SARNP: variants seen among roughly 807,000 people sequenced by gnomAD.
SARNP encodes SAP domain containing ribonucleoprotein, also known as SAP domain-containing ribonucleoprotein.
Under a neutral mutation model 38.1 loss-of-function variants are expected in SARNP, and 5 were observed. That is an observed-to-expected ratio of 0.13 (90% CI 0.07 to 0.28). The LOEUF is 0.28. SARNP is among the 10% of genes least tolerant of loss of function. The pLI is 1.00. For missense variants in SARNP, 180 were observed against 243.9 expected (o/e 0.74, Z 1.75); for synonymous variants, 84 against 80.6 (o/e 1.04, Z -0.23).
At chr12:55,785,100 T>C (rs986678962) in intron 9 of SARNP, among the ~76,000 whole-genome samples, 2 of 152,236 alleles carry the variant, frequency 1.3e-5, no homozygotes, top group African/African-American at 4.8e-5. Context: ...TAATTGTATT[T>C]TATAGAAGTA....
In SARNP at chr12:55,796,005, C is replaced by CATCCCTACTGAGG; in HGVS notation, c.303+19_303+20insCCTCAGTAGGGAT. The CATCCCTACTGAGG allele has an allele frequency of 1.3e-6, 2 of 1,554,444 alleles. No individual in the cohort carries two copies. On this transcript the variant is annotated intron_variant, in intron 5 of 10. Transcript: ENST00000336133. ...AGAGAGAAATGTAGAGACTGTTCTA[C>CATCCCTACTGAGG]TAGGGAGCAGAATACCTACCTCAGT...
At position 55,813,772 on chromosome 12, in the gene SARNP, G is replaced by A. The variant is rs912088713; in HGVS notation, c.36+3894C>T. On this transcript the variant is annotated intron_variant, in intron 1 of 10. Transcript: ENST00000336133. The stretch of plus-strand genomic sequence containing the variant: ...TTGGTCAGGCTGGTCTCGAACTCTC[G>A]ACCTCAGGTGATCCGCCTGCCTCGG... 3.8e-4 allele frequency among the ~76,000 whole-genome samples: 58 copies of A among 152,134 alleles called. 1 individual carries two copies. The highest frequency in any genetic ancestry group is 1.3e-3 in the African/African-American group (55 of 41,490).
At chr12:55,766,258 A>C (rs1377504854) in intron 9 of SARNP, among the ~76,000 whole-genome samples, 4 of 152,148 alleles carry the variant, frequency 2.6e-5, no homozygotes, top group Non-Finnish European at 5.9e-5. Context: ...GTGAGAAGAG[A>C]AGTGCTTGAA....
chr12:55,775,827 G>A (rs11613401), intron 9 of SARNP, among the ~76,000 whole-genome samples: 1 of 152,036 alleles, frequency 6.6e-6, no homozygotes, highest in Non-Finnish European at 1.5e-5. Flanking sequence ...GAGTATATAA[G>A]AAAATGAACT....
intron 9 of SARNP, among the ~76,000 whole-genome samples, chr12:55,788,601 A>T (rs2136193775): frequency 6.6e-6 from 1 of 152,286 alleles, no homozygotes; most frequent in South Asian, 2.1e-4. Flanking sequence ...GTTTGAGACC[A>T]GCTTGGGTAA....
intron 9 of SARNP, among the ~76,000 whole-genome samples, chr12:55,768,120 T>A (rs1003668320): frequency 1.3e-5 from 2 of 151,866 alleles, no homozygotes; most frequent in African/African-American, 4.8e-5. Context: ...TCCCTCTCTC[T>A]CTCTCTTATT....
At chr12:55,781,870 T>G (rs1235994784) in intron 9 of SARNP, among the ~76,000 whole-genome samples, 1 of 152,146 alleles carries the variant, frequency 6.6e-6, no homozygotes, top group African/African-American at 2.4e-5. Flanking sequence ...CGGCACTCAC[T>G]ACCATGCCTG....
rs201379130 is a variant in SARNP, at chr12:55,773,709, TTTC to T, written c.502-13072_502-13070del. On this transcript the variant is annotated intron_variant, in intron 9 of 10. Transcript: ENST00000336133. ...AAAGTGGGGGAAAAGGAAAATGGGATTTCTTCTTCTTCTTTTTTGAGACAGAGT... is the reference window on the plus strand; with the variant it reads ...AAAGTGGGGGAAAAGGAAAATGGGATTTCTTCTTCTTTTTTGAGACAGAGT... 2.2e-3 allele frequency among the ~76,000 whole-genome samples: 337 copies of T among 152,158 alleles called. 3 individuals are homozygous for T. Among genetic ancestry groups the T allele is most frequent in the South Asian group, 5.0e-3 (24 of 4,820 alleles).
At chr12:55,798,696 A>G (rs899800363) in intron 4 of SARNP, among the ~76,000 whole-genome samples, 1 of 152,240 alleles carries the variant, frequency 6.6e-6, no homozygotes, top group Non-Finnish European at 1.5e-5. Flanking sequence ...GACTGGTGAA[A>G]TAAATTACTG....
intron 4 of SARNP, among the ~76,000 whole-genome samples, chr12:55,796,687 G>A (rs1879830231): frequency 6.6e-6 from 1 of 152,106 alleles, no homozygotes; most frequent in Non-Finnish European, 1.5e-5. Flanking sequence ...ACAGGCATCA[G>A]CCACCGAGCC....
intron 1 of SARNP, among the ~76,000 whole-genome samples, chr12:55,809,705 T>G (rs1880267794): frequency 6.7e-6 from 1 of 150,156 alleles, no homozygotes; most frequent in African/African-American, 2.4e-5. Context: ...ATCACACCAC[T>G]GCACTCCAGC....
chr12:55,767,719 C>T lies in SARNP; in HGVS notation c.502-7079G>A, dbSNP rs948333538. On this transcript the variant is annotated intron_variant, in intron 9 of 10. Transcript: ENST00000336133. Reference sequence around the variant, plus strand: ...AAAATTAGCCAGGCATGGTGGCGGGCGCCTGTAGTCCCAGCTACTCGGGAG... The same window carrying T: ...AAAATTAGCCAGGCATGGTGGCGGGTGCCTGTAGTCCCAGCTACTCGGGAG... Among the ~76,000 whole-genome samples, 49 of 151,042 alleles carry T rather than the reference C, an allele frequency of 3.2e-4. 1 individual carries two copies. Among genetic ancestry groups the T allele is most frequent in the African/African-American group, 1.0e-3 (42 of 41,140 alleles).
At chr12:55,753,091 G>A (rs1290033891), downstream of SARNP, 2 of 152,192 alleles carry the variant, frequency 1.3e-5, no homozygotes, top group African/African-American at 4.8e-5. Context: ...GGGGTACCTA[G>A]AACAACCCCT....
intron 2 of SARNP, 88 bp downstream of exon 2, chr12:55,803,541 T>A: frequency 5.3e-6 from 4 of 759,042 alleles, no homozygotes; most frequent in Non-Finnish European, 8.6e-6. Context: ...ACATTGCTAA[T>A]GACCTGAAAA....
intron 9 of SARNP, among the ~76,000 whole-genome samples, chr12:55,786,252 A>G (rs1414101356): frequency 6.6e-6 from 1 of 152,206 alleles, no homozygotes; most frequent in African/African-American, 2.4e-5. Context: ...AGTAAGAGAT[A>G]TGGTGTTCAA....
At chr12:55,784,069 G>A (rs997137945) in intron 9 of SARNP, among the ~76,000 whole-genome samples, 9 of 152,122 alleles carry the variant, frequency 5.9e-5, no homozygotes, top group Admixed American at 5.9e-4. Context: ...ACGCAGGGTC[G>A]TAAGTTGGAT....
intron 4 of SARNP, among the ~76,000 whole-genome samples, chr12:55,798,783 T>C (rs556618654): frequency 1.4e-4 from 22 of 152,326 alleles, no homozygotes; most frequent in Admixed American, 5.9e-4. Context: ...ATCTGGGTGA[T>C]AGGTAGATGA....
At chr12:55,794,178 T>C in intron 7 of SARNP, 181 bp downstream of exon 7, 1 of 606,434 alleles carries the variant, frequency 1.6e-6, no homozygotes, top group Non-Finnish European at 2.9e-6. Context: ...ATTCAGTATC[T>C]CTCTTAATTG....
intron 1 of SARNP, among the ~76,000 whole-genome samples, chr12:55,806,211 T>C (rs1176422186): frequency 1.3e-5 from 2 of 152,066 alleles, no homozygotes; most frequent in African/African-American, 2.4e-5. Flanking sequence ...TTTCCTTACT[T>C]GTGAAATGGG....
Sources: gnomAD v4.1 joint callset for allele counts (sites outside exome capture counted in the v4.1 genomes callset) on GRCh38, gnomAD v4.1.1 for gene constraint, MANE v1.5 for transcripts, NCBI Gene and HGNC (gene_info 2026-07-23, HGNC 2026-07-21) for gene names.